CORO1C: variants seen among roughly 807,000 people sequenced by gnomAD.
CORO1C encodes the protein coronin 1C.
CORO1C carries 14 observed loss-of-function variants against 51.2 expected under a neutral mutation model. That is an observed-to-expected ratio of 0.27 (90% CI 0.18 to 0.43). The LOEUF (loss-of-function observed/expected upper bound fraction) is 0.43, where lower values mean the gene tolerates loss of function less well. CORO1C is among the 20% of genes least tolerant of loss of function. CORO1C has a pLI of 1.00. For synonymous variants in CORO1C, 181 were observed against 210.5 expected (o/e 0.86, Z 1.21); for missense variants, 417 against 607.8 (o/e 0.69, Z 3.30).
chr12:108,683,387 C>T (rs555564761), intron 2 of CORO1C, among the ~76,000 whole-genome samples: 2 of 149,832 alleles, frequency 1.3e-5, no homozygotes, highest in Admixed American at 1.3e-4. Context: ...CCATTGCACT[C>T]CAGTCCGGGC....
At chr12:108,685,821 A>G (rs2034275099) in intron 2 of CORO1C, among the ~76,000 whole-genome samples, 1 of 152,150 alleles carries the variant, frequency 6.6e-6, no homozygotes, top group Non-Finnish European at 1.5e-5. Flanking sequence ...AAAGAACAAA[A>G]ATGTGAAGAC....
rs556543903 is a variant in CORO1C, at chr12:108,645,164, A to C, written c.*2239T>G. The C allele has an allele frequency of 6.6e-6, 1 of 151,278 alleles. No homozygotes were observed. Among genetic ancestry groups the C allele is most frequent in the African/African-American group, 2.4e-5 (1 of 41,060 alleles). The allele number at this position is 151,278 out of a possible 1,614,324, so 9.4% of individuals were successfully genotyped here. A position where few individuals can be genotyped will look rare whatever the true frequency, so the allele number is the denominator to read the frequency against. On this transcript the variant is annotated 3_prime_UTR_variant, in exon 11 of 11. Coordinates refer to ENST00000261401, the MANE Select transcript of CORO1C (RefSeq NM_014325.4). ...ATGGAAGCAAGTGTTTTGACAGAACACTATGGCCACTCTATAAGAGCCGAC... is the reference window on the plus strand; with the variant it reads ...ATGGAAGCAAGTGTTTTGACAGAACCCTATGGCCACTCTATAAGAGCCGAC...
At chr12:108,691,146 C>CA (rs1211120336) in intron 2 of CORO1C, among the ~76,000 whole-genome samples, 1 of 152,140 alleles carries the variant, frequency 6.6e-6, no homozygotes, top group Non-Finnish European at 1.5e-5. Flanking sequence ...GTCAGTTCCA[C>CA]ACAAGCAAGA....
intron 1 of CORO1C, among the ~76,000 whole-genome samples, chr12:108,727,414 T>C (rs1407935349): frequency 6.6e-6 from 1 of 152,184 alleles, no homozygotes; most frequent in Non-Finnish European, 1.5e-5. Context: ...GCTGGGATGT[T>C]TCAGGGAGTG....
At chr12:108,714,055 C>A (rs1392769221) in intron 1 of CORO1C, among the ~76,000 whole-genome samples, 1 of 152,150 alleles carries the variant, frequency 6.6e-6, no homozygotes, top group Non-Finnish European at 1.5e-5. Flanking sequence ...CACTGAAAAT[C>A]CTTAGCTTAG....
intron 2 of CORO1C, among the ~76,000 whole-genome samples, chr12:108,685,001 T>G (rs2034249021): frequency 6.6e-6 from 1 of 152,200 alleles, no homozygotes; most frequent in Non-Finnish European, 1.5e-5. Flanking sequence ...ACTATAGTAC[T>G]GAGCTCTGAA....
chr12:108,688,938 G>C (rs2034397669), intron 2 of CORO1C, among the ~76,000 whole-genome samples: 1 of 152,080 alleles, frequency 6.6e-6, no homozygotes, highest in South Asian at 2.1e-4. Flanking sequence ...GGCTGAGGCA[G>C]GAGAATTGCT....
intron 1 of CORO1C, among the ~76,000 whole-genome samples, chr12:108,725,570 C>T (rs947892511): frequency 4.6e-5 from 7 of 152,202 alleles, no homozygotes; most frequent in Non-Finnish European, 1.0e-4. Context: ...CTATCTGGCC[C>T]TAAAGGCCTG....
At chr12:108,684,174 G>A (rs1355665867) in intron 2 of CORO1C, among the ~76,000 whole-genome samples, 1 of 152,126 alleles carries the variant, frequency 6.6e-6, no homozygotes, top group East Asian at 1.9e-4. Context: ...ATCTGAAGAC[G>A]CAATAGATGT....
chr12:108,702,605 T>C (rs2034907620), intron 1 of CORO1C, among the ~76,000 whole-genome samples: 1 of 152,172 alleles, frequency 6.6e-6, no homozygotes, highest in South Asian at 2.1e-4. Flanking sequence ...AAATGGAACA[T>C]GGTTCAACAT....
chr12:108,651,335 ACT>A (rs2032643467), intron 8 of CORO1C, among the ~76,000 whole-genome samples: 1 of 152,214 alleles, frequency 6.6e-6, no homozygotes, highest in African/African-American at 2.4e-5. Flanking sequence ...GCCAGTGGTC[ACT>A]GAGTCTCAGA....
intron 1 of CORO1C, among the ~76,000 whole-genome samples, chr12:108,703,414 GCA>G (rs1315950388): frequency 1.3e-5 from 2 of 152,142 alleles, no homozygotes; most frequent in Non-Finnish European, 2.9e-5. Flanking sequence ...AAAAATAAAA[GCA>G]GGTAAAAACA....
At chr12:108,698,104 C>T (rs556793154) in intron 2 of CORO1C, among the ~76,000 whole-genome samples, 3 of 152,300 alleles carry the variant, frequency 2.0e-5, no homozygotes, top group East Asian at 1.9e-4. Context: ...CCAGGGCTCA[C>T]GGGCCAAGCC....
intron 2 of CORO1C, among the ~76,000 whole-genome samples, chr12:108,693,386 C>T (rs1208347207): frequency 1.3e-5 from 2 of 152,152 alleles, no homozygotes; most frequent in Non-Finnish European, 2.9e-5. Flanking sequence ...TTTCCATCAA[C>T]GTGACAGAAG....
intron 2 of CORO1C, among the ~76,000 whole-genome samples, chr12:108,690,163 G>A (rs764928696): frequency 6.6e-6 from 1 of 152,184 alleles, no homozygotes; most frequent in Non-Finnish European, 1.5e-5. Context: ...CCAAAAAGAC[G>A]GGTGCACACA....
chr12:108,725,263 C>T (rs1430951637), intron 1 of CORO1C, among the ~76,000 whole-genome samples: 1 of 152,180 alleles, frequency 6.6e-6, no homozygotes, highest in Non-Finnish European at 1.5e-5. Flanking sequence ...AGTAGGAATC[C>T]ATACCCTTAA....
At chr12:108,677,923 G>A (rs548698992) in intron 3 of CORO1C, among the ~76,000 whole-genome samples, 1 of 152,004 alleles carries the variant, frequency 6.6e-6, no homozygotes, top group Admixed American at 6.5e-5. Flanking sequence ...GGAGGCTGAG[G>A]CAGGAGAATC....
chr12:108,706,523 A>G (rs1394954299), intron 1 of CORO1C, among the ~76,000 whole-genome samples: 1 of 152,246 alleles, frequency 6.6e-6, no homozygotes, highest in Non-Finnish European at 1.5e-5. Flanking sequence ...TCTTATATAC[A>G]GAAAATCCCG....
intron 2 of CORO1C, among the ~76,000 whole-genome samples, chr12:108,682,505 C>A (rs2034157522): frequency 6.6e-6 from 1 of 152,152 alleles, no homozygotes; most frequent in Non-Finnish European, 1.5e-5. Context: ...CCACTATAAA[C>A]TGTAATTCAT....
Sources: allele counts gnomAD v4.1 joint callset (sites outside exome capture counted in the v4.1 genomes callset), GRCh38; gene constraint gnomAD v4.1.1; transcripts MANE v1.5; gene names NCBI Gene and HGNC (gene_info 2026-07-23, HGNC 2026-07-21).